The following ACTL8 variants were observed in gnomAD, a reference collection of about 807,000 sequenced individuals.
ACTL8 encodes the protein actin-like protein 8.
ACTL8 carries 3 observed loss-of-function variants against 9.3 expected under a neutral mutation model. The ratio of observed to expected loss-of-function variants is 0.32; its 90% confidence interval spans 0.15 to 0.83. The LOEUF (loss-of-function observed/expected upper bound fraction) is 0.83, where lower values mean the gene tolerates loss of function less well. ACTL8 is among the 40% of genes least tolerant of loss of function. ACTL8 has a pLI of 0.57. For synonymous variants in ACTL8, 224 were observed against 205.9 expected (o/e 1.09, Z -0.75); for missense variants, 381 against 492.2 (o/e 0.77, Z 2.14).
chr1:17,822,946 G>C (rs1411780034), intron 1 of ACTL8, 39 bp from the exon 2 acceptor site: 2 of 1,438,186 alleles, frequency 1.4e-6, no homozygotes, highest in Non-Finnish European at 1.9e-6. Context: ...TGGTGGCCTA[G>C]GCTGCCTGCA....
intron 1 of ACTL8, among the ~76,000 whole-genome samples, chr1:17,782,608 G>A (rs577627172): frequency 1.3e-5 from 2 of 152,146 alleles, no homozygotes; most frequent in African/African-American, 4.8e-5. Flanking sequence ...GTGAAGAAGT[G>A]CTCATGAAAC....
At chr1:17,776,251 AC>A (rs2066117348) in intron 1 of ACTL8, among the ~76,000 whole-genome samples, 1 of 152,178 alleles carries the variant, frequency 6.6e-6, no homozygotes. Flanking sequence ...TGCCCCTTCC[AC>A]CAGGCTTTGG....
chr1:17,825,967 TCTC>T lies in ACTL8; in HGVS notation c.553_555del (p.Leu185del). 2 of 1,610,270 alleles carry T rather than the reference TCTC, an allele frequency of 1.2e-6. No homozygotes were observed. The highest frequency in any genetic ancestry group is 1.1e-5 in the South Asian group (1 of 91,086). On this transcript the variant is annotated inframe_deletion, in exon 3 of 3. Coordinates refer to ENST00000375406, the MANE Select transcript of ACTL8 (RefSeq NM_030812.3). ...TCGCCGGCCAGGATCTCTCCGCCTA[TCTC>T]CTCAAGAGTCTCTTTAAGGAAGATT...
chr1:17,780,572 A>T (rs986211556), intron 1 of ACTL8, among the ~76,000 whole-genome samples: 10 of 152,120 alleles, frequency 6.6e-5, no homozygotes, highest in Non-Finnish European at 1.5e-5. Flanking sequence ...TTGAAAGCAG[A>T]CTGGGGGTGT....
At chr1:17,755,800 C>G (rs1008715805) in intron 1 of ACTL8, among the ~76,000 whole-genome samples, 2 of 151,412 alleles carry the variant, frequency 1.3e-5, no homozygotes, top group African/African-American at 2.4e-5. Flanking sequence ...GGGGCCCAAG[C>G]TTAGCCCCTT....
At chr1:17,803,524 T>C (rs1403183735) in intron 1 of ACTL8, among the ~76,000 whole-genome samples, 1 of 152,054 alleles carries the variant, frequency 6.6e-6, no homozygotes, top group African/African-American at 2.4e-5. Context: ...AGAGAGGGGG[T>C]TTTGCCATGT....
chr1:17,764,755 G>A (rs564827156), intron 1 of ACTL8, among the ~76,000 whole-genome samples: 1 of 152,346 alleles, frequency 6.6e-6, no homozygotes, highest in Admixed American at 6.5e-5. Context: ...TGAGGCCCGC[G>A]TTCCTCCAGC....
chr1:17,757,579 G>A (rs765280481), intron 1 of ACTL8, among the ~76,000 whole-genome samples: 5 of 146,370 alleles, frequency 3.4e-5, no homozygotes, highest in South Asian at 4.3e-4. Flanking sequence ...TGATAATCTC[G>A]GCTGGAGCAG....
At position 17,800,551 on chromosome 1, in the gene ACTL8, T is replaced by A. The variant is rs174285; in HGVS notation, c.-24-22434T>A. On this transcript the variant is annotated intron_variant, in intron 1 of 2. Coordinates refer to ENST00000375406, the MANE Select transcript of ACTL8 (RefSeq NM_030812.3). ...ACTTCGTTTGATGTTGAGTTGTTGC[T>A]CAGTGGCAAACTTCCTTGCCTTGGT... Among the ~76,000 whole-genome samples, 73 of 149,082 alleles carry A rather than the reference T, an allele frequency of 4.9e-4. No individual in the cohort carries two copies. The East Asian group carries it at 9.5e-3, about 19-fold the overall frequency.
intron 1 of ACTL8, among the ~76,000 whole-genome samples, chr1:17,785,419 C>T (rs1557434598): frequency 6.6e-6 from 1 of 152,182 alleles, no homozygotes; most frequent in African/African-American, 2.4e-5. Context: ...GTCTCTGATT[C>T]TTGATAGGAA....
intron 1 of ACTL8, 77 bp from the exon 2 acceptor site, chr1:17,822,908 A>T: frequency 1.0e-6 from 1 of 962,198 alleles, no homozygotes; most frequent in Non-Finnish European, 1.5e-6. Context: ...CTGAGGTTTG[A>T]CTGTTGGGTA....
At chr1:17,798,243 A>G (rs1007852231) in intron 1 of ACTL8, among the ~76,000 whole-genome samples, 10 of 150,346 alleles carry the variant, frequency 6.7e-5, no homozygotes, top group African/African-American at 2.5e-4. Flanking sequence ...ACATGTCATC[A>G]CTTCATGCCA....
At chr1:17,822,948 C>G (rs2053675599) in intron 1 of ACTL8, 37 bp from the exon 2 acceptor site, 1 of 1,449,840 alleles carries the variant, frequency 6.9e-7, no homozygotes, top group South Asian at 1.3e-5. Context: ...GTGGCCTAGG[C>G]TGCCTGCACA....
chr1:17,802,867 C>T lies in ACTL8; in HGVS notation c.-24-20118C>T, dbSNP rs140781230. Among the ~76,000 whole-genome samples, 1,147 of 152,208 alleles carry T rather than the reference C, an allele frequency of 7.5e-3. 12 individuals carry two copies. The highest frequency in any genetic ancestry group is 0.027 in the African/African-American group (1,101 of 41,516). ...GGGCGTGGTGGTGGGCACCTGTAATCCCAGCTACTCGGGAGGCTGAGGCAG... is the reference window on the plus strand; with the variant it reads ...GGGCGTGGTGGTGGGCACCTGTAATTCCAGCTACTCGGGAGGCTGAGGCAG... On this transcript the variant is annotated intron_variant, in intron 1 of 2. Transcript: ENST00000375406.
intron 1 of ACTL8, among the ~76,000 whole-genome samples, chr1:17,796,730 G>A (rs998551970): frequency 1.3e-5 from 2 of 152,218 alleles, no homozygotes; most frequent in Non-Finnish European, 2.9e-5. Context: ...AAAGCCAGCC[G>A]TGTGCTTCTT....
chr1:17,785,369 G>A (rs1200183683), intron 1 of ACTL8, among the ~76,000 whole-genome samples: 5 of 152,162 alleles, frequency 3.3e-5, no homozygotes, highest in Non-Finnish European at 7.4e-5. Context: ...GCAAACACTT[G>A]GTGAGCCATG....
intron 1 of ACTL8, among the ~76,000 whole-genome samples, chr1:17,803,888 G>A (rs949774451): frequency 6.6e-6 from 1 of 152,136 alleles, no homozygotes; most frequent in African/African-American, 2.4e-5. Context: ...TATGCTTCTG[G>A]ACAGTTTATT....
chr1:17,793,371 C>T (rs911792016), intron 1 of ACTL8, among the ~76,000 whole-genome samples: 1 of 152,136 alleles, frequency 6.6e-6, no homozygotes, highest in African/African-American at 2.4e-5. Context: ...GTTTTATCTG[C>T]GCAGCTAGTT....
At chr1:17,764,766 G>A (rs573310987) in intron 1 of ACTL8, among the ~76,000 whole-genome samples, 122 of 152,316 alleles carry the variant, frequency 8.0e-4, no homozygotes, top group Non-Finnish European at 1.2e-3. Flanking sequence ...TTCCTCCAGC[G>A]TTGCCTGCCT....
Sources: gnomAD v4.1 joint callset for allele counts (sites outside exome capture counted in the v4.1 genomes callset) on GRCh38, gnomAD v4.1.1 for gene constraint, MANE v1.5 for transcripts, NCBI Gene and HGNC (gene_info 2026-07-23, HGNC 2026-07-21) for gene names.